SPRR4: variants seen among roughly 807,000 people sequenced by gnomAD.
SPRR4 encodes small proline-rich protein 4.
For synonymous variants in SPRR4, 30 were observed against 34.3 expected (o/e 0.87, Z 0.44); for missense variants, 106 against 91.6 (o/e 1.16, Z -0.64).
In SPRR4 at chr1:152,972,208, C is replaced by T; in HGVS notation, c.*78C>T. On this transcript the variant is annotated 3_prime_UTR_variant, in exon 2 of 2. Transcript: ENST00000328051. ...TCTCTTCTTCCTTCTCCTCTTCCCTCCAGCTCTTGAGCCTACCCTCCTCTC... is the reference window on the plus strand; with the variant it reads ...TCTCTTCTTCCTTCTCCTCTTCCCTTCAGCTCTTGAGCCTACCCTCCTCTC... 6.3e-7 allele frequency: 1 copy of T among 1,578,138 alleles called. No individual in the cohort carries two copies. The highest frequency in any genetic ancestry group is 1.2e-5 in the South Asian group (1 of 85,000).
At chr1:152,969,610 G>A (rs1040840696), upstream of SPRR4, among the ~76,000 whole-genome samples, 5 of 152,112 alleles carry the variant, frequency 3.3e-5, no homozygotes, top group Non-Finnish European at 5.9e-5. Flanking sequence ...GAGGCTAAAT[G>A]GAGGACCAGG....
intron 1 of SPRR4, among the ~76,000 whole-genome samples, chr1:152,971,314 G>A (rs1468491249): frequency 6.6e-6 from 1 of 152,202 alleles, no homozygotes; most frequent in Non-Finnish European, 1.5e-5. Flanking sequence ...GGTTGCCCAT[G>A]AAGTTAATGG....
chr1:152,968,951 A>G (rs1201399764), upstream of SPRR4, among the ~76,000 whole-genome samples: 1 of 152,212 alleles, frequency 6.6e-6, no homozygotes, highest in Non-Finnish European at 1.5e-5. Flanking sequence ...CAGCAAGAGC[A>G]CAGAGGACTG....
At chr1:152,969,551 G>A (rs1296977904), upstream of SPRR4, among the ~76,000 whole-genome samples, 1 of 152,162 alleles carries the variant, frequency 6.6e-6, no homozygotes, top group Non-Finnish European at 1.5e-5. Context: ...GAGGGCTAGA[G>A]GTGGACCAGC....
rs775489750 is a variant in SPRR4 at position 152,971,869 on chromosome 1, A to AG, written c.-20dup. The AG allele has an allele frequency of 1.9e-5, 31 of 1,613,634 alleles. No individual in the cohort carries two copies. The highest frequency in any genetic ancestry group is 2.6e-5 in the Non-Finnish European group (31 of 1,179,886). On this transcript the variant is annotated splice_acceptor_variant, in intron 1 of 1. Transcript: ENST00000328051. LOFTEE classifies it low-confidence loss of function (5UTR_SPLICE). ...ATGGTGTCCCTGCCCGGTTTCCTTT[A>AG]GGCTCACCTGTTCCTAGAGCAATGT... is the stretch of plus-strand genomic sequence containing the variant.
intron 1 of SPRR4, among the ~76,000 whole-genome samples, chr1:152,971,034 T>C (rs1190505150): frequency 1.3e-5 from 2 of 152,352 alleles, no homozygotes; most frequent in African/African-American, 2.4e-5. Flanking sequence ...GCATTTTGCT[T>C]ACCAGTAAGC....
In SPRR4 at chr1:152,972,162, C is replaced by G; in HGVS notation, c.*32C>G. On this transcript the variant is annotated 3_prime_UTR_variant, in exon 2 of 2. Coordinates refer to ENST00000328051, the MANE Select transcript of SPRR4 (RefSeq NM_173080.3). ...ACTGGATATTACCATCATCCACCAT[C>G]CTGGCTACCAGATGGAACCTTCTCT... 6.2e-7 allele frequency: 1 copy of G among 1,613,116 alleles called. No individual in the cohort carries two copies. Among genetic ancestry groups the G allele is most frequent in the Non-Finnish European group, 8.5e-7 (1 of 1,179,282 alleles).
At position 152,971,777 on chromosome 1, in the gene SPRR4, G is replaced by A. The variant is rs946046011; in HGVS notation, c.-20-94G>A. On this transcript the variant is annotated intron_variant, in intron 1 of 1. Transcript: ENST00000328051. ...ATGGCATGCTTTGACCTTGTAAAAT[G>A]TCTGGGCTACTTTTTAACCATCTTT... 4.4e-5 allele frequency: 66 copies of A among 1,488,546 alleles called. 1 individual carries two copies. In the Middle Eastern group the frequency reaches 2.7e-3, roughly 62 times the overall value. The allele number at this position is 1,488,546 out of a possible 1,614,324, so 92.2% of individuals were successfully genotyped here. A position where few individuals can be genotyped will look rare whatever the true frequency, so the allele number is the denominator to read the frequency against.
Position 152,972,011 on chromosome 1 carries a change from A to G in SPRR4, c.121A>G (p.Lys41Glu). 1 of 1,614,018 alleles carries G rather than the reference A, an allele frequency of 6.2e-7. No individual in the cohort carries two copies. The highest frequency in any genetic ancestry group is 2.2e-5 in the East Asian group (1 of 44,860). ...PVKCQETCAP[K>E]TKDPCAPQVK... Reference sequence around the variant, plus strand: ...TAAATGTCAAGAGACATGTGCACCCAAAACCAAGGATCCATGTGCTCCCCA... The same window carrying G: ...TAAATGTCAAGAGACATGTGCACCCGAAACCAAGGATCCATGTGCTCCCCA... Residue 41 changes from lysine to glutamate, a missense_variant, in exon 2 of 2, where the codon AAA becomes GAA. Transcript: ENST00000328051.
upstream of SPRR4, chr1:152,970,638 C>T (rs914544546): frequency 6.6e-6 from 1 of 152,270 alleles, no homozygotes; most frequent in Non-Finnish European, 1.5e-5. Flanking sequence ...CCTGGAGTGG[C>T]TCTGCCTGTG....
upstream of SPRR4, among the ~76,000 whole-genome samples, chr1:152,969,531 C>T (rs1651770541): frequency 6.6e-6 from 1 of 152,134 alleles, no homozygotes; most frequent in African/African-American, 2.4e-5. Flanking sequence ...TGAGGTCGAT[C>T]TTTGGGGTAG....
chr1:152,972,112 C>T lies in SPRR4; in HGVS notation c.222C>T (p.Ser74=), dbSNP rs1557881030. The T allele has an allele frequency of 6.2e-7, 1 of 1,614,060 alleles. No individual in the cohort carries two copies. The highest frequency in any genetic ancestry group is 2.2e-5 in the East Asian group (1 of 44,866). The part of the protein sequence containing the change: ...QQKCPSAQQA[S]KSKQK ...AGTGTCCCTCAGCCCAGCAAGCCTCCAAGAGCAAACAGAAGTAAGGATGGA... is the reference window on the plus strand; with the variant it reads ...AGTGTCCCTCAGCCCAGCAAGCCTCTAAGAGCAAACAGAAGTAAGGATGGA... The change falls in exon 2 of 2, where the codon TCC becomes TCT. Residue 74 remains serine (S), a synonymous_variant. Coordinates refer to ENST00000328051, the MANE Select transcript of SPRR4 (RefSeq NM_173080.3).
At chr1:152,970,791 TG>T (rs1651821641) in intron 1 of SPRR4, 97 bp downstream of exon 1, 1 of 152,224 alleles carries the variant, frequency 6.6e-6, no homozygotes, top group Non-Finnish European at 1.5e-5. Context: ...CTTCCATCCT[TG>T]GGTAATCAGG....
upstream of SPRR4, among the ~76,000 whole-genome samples, chr1:152,970,372 G>T (rs928459175): frequency 9.2e-5 from 14 of 152,168 alleles, no homozygotes; most frequent in African/African-American, 3.1e-4. Context: ...TCTGCAAACA[G>T]CTCCTTCAAT....
rs760945132 is a variant in SPRR4, at chr1:152,971,881, TC to T, written c.-8del. The T allele has an allele frequency of 1.2e-6, 2 of 1,614,004 alleles. No individual in the cohort carries two copies. Among genetic ancestry groups the T allele is most frequent in the South Asian group, 2.2e-5 (2 of 91,060 alleles). On this transcript the variant is annotated 5_prime_UTR_variant, in exon 2 of 2. Transcript: ENST00000328051. ...CCCGGTTTCCTTTAGGCTCACCTGT[TC>T]CTAGAGCAATGTCTTCCCAGCAGCA...
rs1459747108 is a variant in SPRR4, at chr1:152,972,333, C to T, written c.*203C>T. The T allele has an allele frequency of 1.3e-6, 1 of 799,924 alleles. No homozygotes were observed. The highest frequency in any genetic ancestry group is 1.8e-5 in the African/African-American group (1 of 56,914). The allele number at this position is 799,924 out of a possible 1,614,324, so 49.6% of individuals were successfully genotyped here. A position where few individuals can be genotyped will look rare whatever the true frequency, so the allele number is the denominator to read the frequency against. ...ACCTTGGCTTCTTCTATATCCCACC[C>T]CGATGCTCTCCCAGGTGGGTGTGAG... On this transcript the variant is annotated 3_prime_UTR_variant, in exon 2 of 2. Transcript: ENST00000328051.
chr1:152,972,209 C>T lies in SPRR4; in HGVS notation c.*79C>T. 3 of 1,576,116 alleles carry T rather than the reference C, an allele frequency of 1.9e-6. No individual in the cohort carries two copies. Among genetic ancestry groups the T allele is most frequent in the Non-Finnish European group, 2.6e-6 (3 of 1,160,014 alleles). ...CTCTTCTTCCTTCTCCTCTTCCCTC[C>T]AGCTCTTGAGCCTACCCTCCTCTCA... On this transcript the variant is annotated 3_prime_UTR_variant, in exon 2 of 2. Transcript: ENST00000328051.
rs1452407757 is a variant in SPRR4, at chr1:152,972,431, G to T, written c.*301G>T. On this transcript the variant is annotated 3_prime_UTR_variant, in exon 2 of 2. Transcript: ENST00000328051. ...ATCCATTTCCCAAAGTGAGGAAAGT[G>T]TCTGGGCTTCTTCTGGGGTTCCACC... 2 of 416,042 alleles carry T rather than the reference G, an allele frequency of 4.8e-6. No homozygotes were observed. Among genetic ancestry groups the T allele is most frequent in the Non-Finnish European group, 9.1e-6 (2 of 219,444 alleles). The allele number at this position is 416,042 out of a possible 1,614,324, so 25.8% of individuals were successfully genotyped here.
At chr1:152,971,674 C>T (rs1019502158) in intron 1 of SPRR4, among the ~76,000 whole-genome samples, 197 bp from the exon 2 acceptor site, 52 of 151,990 alleles carry the variant, frequency 3.4e-4, no homozygotes, top group African/African-American at 1.1e-3. Flanking sequence ...TCTCCTCATG[C>T]CCCTACATCC....
Sources: gnomAD v4.1 joint callset for allele counts (sites outside exome capture counted in the v4.1 genomes callset) on GRCh38, gnomAD v4.1.1 for gene constraint, MANE v1.5 for transcripts, NCBI Gene and HGNC (gene_info 2026-07-23, HGNC 2026-07-21) for gene names.